Variants in MARVELD3 observed in about 807,000 individuals in gnomAD.
MARVELD3 encodes MARVEL domain containing 3.
A neutral mutation model predicts 33.5 loss-of-function variants in MARVELD3; 28 were observed. The observed-to-expected ratio is 0.84, with a 90% CI of 0.62 to 1.15. The LOEUF (loss-of-function observed/expected upper bound fraction) is 1.15, where lower values mean the gene tolerates loss of function less well. MARVELD3 is among the 50% of genes most tolerant of loss of function. The pLI, the probability that MARVELD3 is intolerant of heterozygous loss-of-function variation, is 0.00. For missense variants in MARVELD3, 582 were observed against 547.6 expected (o/e 1.06, Z -0.63); for synonymous variants, 241 against 230.4 (o/e 1.05, Z -0.42).
At chr16:71,632,704 T>G (rs2044544691) in intron 2 of MARVELD3, among the ~76,000 whole-genome samples, 1 of 151,892 alleles carries the variant, frequency 6.6e-6, no homozygotes, top group Non-Finnish European at 1.5e-5. Context: ...CTCCGCCTCC[T>G]GGGTTCAAGC....
At chr16:71,632,756 C>A (rs994706316) in intron 2 of MARVELD3, among the ~76,000 whole-genome samples, 3 of 151,846 alleles carry the variant, frequency 2.0e-5, no homozygotes, top group Admixed American at 1.3e-4. Flanking sequence ...AGATTACAGG[C>A]ATGCACCACC....
Position 71,626,353 on chromosome 16 carries a change from C to G in MARVELD3, c.124C>G (p.Arg42Gly). ...ACCGCGGGACCGACCCGGGGACCCG[C>G]GCAGGAAGCGAAGCAGCGACGGGAA... ...DRPRDRPGDPRRKRSSDGNRR... is the reference protein window; with the variant it reads ...DRPRDRPGDPGRKRSSDGNRR... The change falls in exon 1 of 3, where the codon CGC becomes GGC. Residue 42 changes from arginine (R) to glycine (G), a missense_variant. Arg to Gly is a moderately radical substitution (Grantham distance 125). Transcript: ENST00000268485. This position sits in a 1 kb window ranked among gnomAD's most constrained non-coding sequence, Gnocchi z 5.3. 1.3e-6 allele frequency: 2 copies of G among 1,548,064 alleles called. No homozygotes were observed. The highest frequency in any genetic ancestry group is 1.7e-6 in the Non-Finnish European group (2 of 1,146,724).
rs1417751085 is a variant in MARVELD3 at position 71,634,489 on chromosome 16, CA to C, written c.893del (p.His298LeufsTer7). 1.9e-6 allele frequency: 3 copies of C among 1,614,202 alleles called. No individual in the cohort carries two copies. In the Admixed American group the frequency reaches 5.0e-5, roughly 27 times the overall value. Reference sequence around the variant, plus strand: ...CATGGGTGTCCTGCGGGTCCCGTGGCATTGTCCACTGTTGCTGGTGACCGAA... The same window carrying C: ...CATGGGTGTCCTGCGGGTCCCGTGGCTTGTCCACTGTTGCTGGTGACCGAA... ...VAMGVLRVPW[H>X]CPLLLVTEGL... is the part of the protein sequence containing the mutation. On this transcript the variant is annotated frameshift_variant, in exon 3 of 3. Transcript: ENST00000268485. LOFTEE classifies it high-confidence loss of function.
At position 71,626,332 on chromosome 16, in the gene MARVELD3, C is replaced by T. The variant is rs1212973006; in HGVS notation, c.103C>T (p.Arg35Trp). 2.6e-6 allele frequency: 4 copies of T among 1,548,240 alleles called. No homozygotes were observed. The highest frequency in any genetic ancestry group is 1.2e-5 in the South Asian group (1 of 83,952). The change falls in exon 1 of 3, where the codon CGG (arginine) becomes TGG (tryptophan). Residue 35 changes from arginine (R) to tryptophan (W), a missense_variant. Transcript: ENST00000268485. This position sits in a 1 kb window ranked among gnomAD's most constrained non-coding sequence, Gnocchi z 5.3. ...CCAAGGCCGCACCCACGATCGACCG[C>T]GGGACCGACCCGGGGACCCGCGCAG... ...PDQGRTHDRP[R>W]DRPGDPRRKR...
chr16:71,628,532 A>G (rs1215097015), intron 1 of MARVELD3, among the ~76,000 whole-genome samples: 5 of 149,196 alleles, frequency 3.4e-5, no homozygotes, highest in Admixed American at 6.7e-5. Context: ...GTGAGACTCC[A>G]TCTCAAAACA....
chr16:71,626,343 C>CGG lies in MARVELD3; in HGVS notation c.117_118dup (p.Asp40GlyfsTer84). The CGG allele has an allele frequency of 6.5e-7, 1 of 1,548,172 alleles. No homozygotes were observed. ...CCCACGATCGACCGCGGGACCGACC[C>CGG]GGGGACCCGCGCAGGAAGCGAAGCA... On this transcript the variant is annotated frameshift_variant, in exon 1 of 3. Transcript: ENST00000268485. LOFTEE classifies it high-confidence loss of function. This position sits in a 1 kb window ranked among gnomAD's most constrained non-coding sequence, Gnocchi z 5.3.
downstream of MARVELD3, chr16:71,640,840 T>G: frequency 2.5e-6 from 4 of 1,614,234 alleles, no homozygotes; most frequent in Non-Finnish European, 2.5e-6. Flanking sequence ...CTCACCTGGA[T>G]GGACTGCCAG....
At chr16:71,637,566 T>TATC (rs2044589752), downstream of MARVELD3, among the ~76,000 whole-genome samples, 1 of 152,194 alleles carries the variant, frequency 6.6e-6, no homozygotes, top group Admixed American at 6.5e-5. Flanking sequence ...ACTTCTCAAC[T>TATC]ATCAGAGCCC....
downstream of MARVELD3, chr16:71,640,556 G>A: frequency 6.2e-7 from 1 of 1,614,218 alleles, no homozygotes. Flanking sequence ...AGGTTCGGCA[G>A]CTGGACCAGC....
At chr16:71,628,731 A>C (rs147010441) in intron 1 of MARVELD3, among the ~76,000 whole-genome samples, 34 of 152,188 alleles carry the variant, frequency 2.2e-4, no homozygotes, top group African/African-American at 7.5e-4. Context: ...TGTGCATGCT[A>C]AAAGTTTGAA....
chr16:71,630,755 G>A (rs1400559086), intron 2 of MARVELD3, among the ~76,000 whole-genome samples: 2 of 151,884 alleles, frequency 1.3e-5, no homozygotes, highest in Non-Finnish European at 2.9e-5. Context: ...AAACAAAAAT[G>A]TTGTGAAACC....
intron 2 of MARVELD3, among the ~76,000 whole-genome samples, chr16:71,631,962 A>G (rs1268408112): frequency 6.6e-6 from 1 of 152,210 alleles, no homozygotes; most frequent in Non-Finnish European, 1.5e-5. Context: ...AACATCAGGC[A>G]GGATGTTGAC....
chr16:71,626,329 C>A lies in MARVELD3; in HGVS notation c.100C>A (p.Pro34Thr). ...AGACCAAGGCCGCACCCACGATCGA[C>A]CGCGGGACCGACCCGGGGACCCGCG... ...HPDQGRTHDRPRDRPGDPRRK... is the reference protein window; with the variant it reads ...HPDQGRTHDRTRDRPGDPRRK... Residue 34 changes from proline (P) to threonine (T), a missense_variant, in exon 1 of 3, where the codon CCG (proline) becomes ACG (threonine). By Grantham distance (38) the Pro-to-Thr change is conservative. Transcript: ENST00000268485. This position sits in a 1 kb window ranked among gnomAD's most constrained non-coding sequence, Gnocchi z 5.3. 6.5e-7 allele frequency: 1 copy of A among 1,548,244 alleles called. No individual in the cohort carries two copies. Among genetic ancestry groups the A allele is most frequent in the South Asian group, 1.2e-5 (1 of 83,942 alleles).
chr16:71,637,360 AT>A (rs147952074), downstream of MARVELD3, among the ~76,000 whole-genome samples: 1,832 of 152,260 alleles, frequency 0.012, 32 homozygotes, highest in African/African-American at 0.042. Flanking sequence ...GGGGCGAAAT[AT>A]TAACGTCCAT....
chr16:71,640,941 C>T (rs138854747), downstream of MARVELD3: 27 of 1,613,924 alleles, frequency 1.7e-5, no homozygotes, highest in South Asian at 3.3e-5. Context: ...GCGTAGCTAC[C>T]GAGAACAGAA....
chr16:71,641,286 C>A, downstream of MARVELD3: 1 of 416,318 alleles, frequency 2.4e-6, no homozygotes, highest in Non-Finnish European at 4.3e-6. Flanking sequence ...AACCCTGTCT[C>A]TACTAAAAAT....
chr16:71,636,871 G>A (rs1472481423), downstream of MARVELD3, among the ~76,000 whole-genome samples: 3 of 152,198 alleles, frequency 2.0e-5, no homozygotes, highest in African/African-American at 2.4e-5. Context: ...GATTATAGGC[G>A]TGAGCCACCA....
rs1459751072 is a variant in MARVELD3, at chr16:71,634,754, G to A, written c.1157G>A (p.Arg386Gln). The A allele has an allele frequency of 5.0e-6, 8 of 1,609,974 alleles. No individual in the cohort carries two copies. The East Asian group carries it at 1.3e-4, about 27-fold the overall frequency. Residue 386 changes from arginine to glutamine, a missense_variant, in exon 3 of 3, where the codon CGA becomes CAA. By Grantham distance (43) the Arg-to-Gln change is conservative. Transcript: ENST00000268485. ...GCTGTCCTGGCCATAAAGGGCTACC[G>A]AAAAGTTAGGAAGCTAAAAGAGAAG... ...LGAVLAIKGY[R>Q]KVRKLKEKPA... is the part of the protein sequence containing the mutation.
In MARVELD3 at chr16:71,626,531, C is replaced by T. The variant is rs1254110984; in HGVS notation, c.302C>T (p.Ala101Val). The T allele has an allele frequency of 5.8e-6, 9 of 1,549,668 alleles. 1 individual carries two copies. The South Asian group carries it at 8.3e-5, about 14-fold the overall frequency. Residue 101 changes from alanine (A) to valine (V), a missense_variant, in exon 1 of 3, where the codon GCA becomes GTA. Coordinates refer to ENST00000268485, the MANE Select transcript of MARVELD3 (RefSeq NM_052858.6). The surrounding 1 kb of genome is among the most constrained non-coding windows in gnomAD (Gnocchi z 5.3). ...ACACACAGGGACGCGGGCCCTCGCG[C>T]AGGTGAACACGGAGTTTGGGAAAAA... Reference protein sequence around the residue: ...RDTHRDAGPRAGEHGVWEKPR... With the variant: ...RDTHRDAGPRVGEHGVWEKPR...
Sources: gnomAD v4.1 joint callset for allele counts (sites outside exome capture counted in the v4.1 genomes callset) on GRCh38, gnomAD v4.1.1 for gene constraint, Gnocchi (gnomAD v3.1) non-coding constraint, MANE v1.5 for transcripts, NCBI Gene and HGNC (gene_info 2026-07-23, HGNC 2026-07-21) for gene names.